Variants in ZNF423 observed in about 807,000 individuals in gnomAD.
ZNF423 encodes the protein zinc finger protein 423.
In ZNF423, 12 loss-of-function variants were observed where a neutral mutation model predicts 95.8. The ratio of observed to expected loss-of-function variants is 0.13; its 90% CI spans 0.08 to 0.20. The LOEUF (loss-of-function observed/expected upper bound fraction) is 0.20, where lower values mean the gene tolerates loss of function less well. Among genes scored for constraint, ZNF423 ranks in the 10% least tolerant of loss-of-function variants. The pLI, the probability that ZNF423 is intolerant of heterozygous loss-of-function variation, is 1.00. For missense variants in ZNF423, 1,316 were observed against 1,737.1 expected (o/e 0.76, Z 4.31); for synonymous variants, 749 against 711.9 (o/e 1.05, Z -0.83).
intron 2 of ZNF423, among the ~76,000 whole-genome samples, chr16:49,741,629 G>C (rs540625592): frequency 6.6e-6 from 1 of 152,202 alleles, no homozygotes; most frequent in African/African-American, 2.4e-5. Flanking sequence ...TGCCTTGGAG[G>C]GCTGGTCCAG....
chr16:49,568,639 T>C (rs1041066514), intron 5 of ZNF423, among the ~76,000 whole-genome samples: 1 of 152,104 alleles, frequency 6.6e-6, no homozygotes, highest in African/African-American at 2.4e-5. Flanking sequence ...TATTAGTACA[T>C]CGATGGTCTG....
At chr16:49,584,361 G>C (rs936879546) in intron 5 of ZNF423, among the ~76,000 whole-genome samples, 1 of 152,176 alleles carries the variant, frequency 6.6e-6, no homozygotes, top group African/African-American at 2.4e-5. Context: ...TACGCTTAGG[G>C]CATCCTGTAC....
intron 3 of ZNF423, among the ~76,000 whole-genome samples, chr16:49,714,600 C>T (rs1389890469): frequency 6.8e-6 from 1 of 146,942 alleles, no homozygotes; most frequent in East Asian, 2.0e-4. Context: ...GAGCCAAGAT[C>T]TCGCCACTGC....
At chr16:49,555,876 T>C (rs1226802110) in intron 5 of ZNF423, among the ~76,000 whole-genome samples, 1 of 152,042 alleles carries the variant, frequency 6.6e-6, no homozygotes, top group East Asian at 1.9e-4. Context: ...GTTGAAAGGA[T>C]GGATAGATGG....
intron 2 of ZNF423, among the ~76,000 whole-genome samples, chr16:49,760,907 C>T (rs538199272): frequency 7.2e-4 from 86 of 119,332 alleles, no homozygotes; most frequent in African/African-American, 2.9e-3. Flanking sequence ...TCACCACCAC[C>T]TCCCTCCAAC....
At position 49,853,645 on chromosome 16, in the gene ZNF423, T is replaced by A. The variant is rs141430343; in HGVS notation, c.40+2090A>T. 12 of 985,304 alleles carry A rather than the reference T, an allele frequency of 1.2e-5. No individual in the cohort carries two copies. The East Asian group carries it at 1.3e-3, about 103-fold the overall frequency. 61.0% of individuals were successfully genotyped at this position (985,304 alleles called of 1,614,324 possible). A position where few individuals can be genotyped will look rare whatever the true frequency, so the allele number is the denominator to read the frequency against. The stretch of plus-strand genomic sequence containing the variant: ...ACCTGCTTGAACTGTCTGCTACACA[T>A]ACACACATACACATTTGAGAGAGGC... On this transcript the variant is annotated intron_variant, in intron 1 of 7. Transcript: ENST00000563137.
At chr16:49,682,444 C>T (rs1053006557) in intron 3 of ZNF423, among the ~76,000 whole-genome samples, 4 of 152,204 alleles carry the variant, frequency 2.6e-5, no homozygotes, top group African/African-American at 4.8e-5. Context: ...CAGATCCTCC[C>T]GGTCCACACT....
At chr16:49,568,811 T>C (rs1269126137) in intron 5 of ZNF423, among the ~76,000 whole-genome samples, 1 of 152,142 alleles carries the variant, frequency 6.6e-6, no homozygotes, top group Non-Finnish European at 1.5e-5. Context: ...GAGCCACTGT[T>C]GGCTGCAGGC....
Position 49,490,694 on chromosome 16 carries a change from A to G in ZNF423, c.*581T>C, listed in dbSNP as rs1399986565. 1 of 154,718 alleles carries G rather than the reference A, an allele frequency of 6.5e-6. No individual in the cohort carries two copies. Among genetic ancestry groups the G allele is most frequent in the Admixed American group, 6.3e-5 (1 of 15,820 alleles). 9.6% of individuals were successfully genotyped at this position (154,718 alleles called of 1,614,324 possible). ...AAAAGCAGACCATCCAGTTGCACTG[A>G]AACCGATTATATTCATTACATAGTT... is the stretch of plus-strand genomic sequence containing the variant. On this transcript the variant is annotated 3_prime_UTR_variant, in exon 8 of 8. Transcript: ENST00000563137.
chr16:49,686,680 C>CA (rs1567290257), intron 3 of ZNF423, among the ~76,000 whole-genome samples: 1 of 113,434 alleles, frequency 8.8e-6, no homozygotes, highest in African/African-American at 3.0e-5. Flanking sequence ...ACCTTACTAT[C>CA]ACTGTCCCCT....
rs547315219 is a variant in ZNF423, at chr16:49,500,902, A to T, written c.3850-9598T>A. 2.1e-5 allele frequency among the ~76,000 whole-genome samples: 3 copies of T among 146,260 alleles called. No homozygotes were observed. The South Asian group carries it at 6.5e-4, about 32-fold the overall frequency. ...CAGCCACAGGGTGAGACCTCATTTA[A>T]AAAAAAAAAAGGCTATTGGGTGGAC... On this transcript the variant is annotated intron_variant, in intron 7 of 7. Transcript: ENST00000563137.
chr16:49,783,885 G>A (rs144752397), intron 2 of ZNF423, among the ~76,000 whole-genome samples: 2,557 of 150,418 alleles, frequency 0.017, 66 homozygotes, highest in African/African-American at 0.06. Context: ...CAGGAGAATC[G>A]TTTGAACCTG....
At chr16:49,495,915 T>C (rs780467148) in intron 7 of ZNF423, among the ~76,000 whole-genome samples, 2 of 152,228 alleles carry the variant, frequency 1.3e-5, no homozygotes, top group African/African-American at 4.8e-5. Context: ...CTCCCTTTGA[T>C]ACCTATCCAT....
At chr16:49,501,249 C>G (rs1239291170) in intron 7 of ZNF423, among the ~76,000 whole-genome samples, 1 of 152,188 alleles carries the variant, frequency 6.6e-6, no homozygotes, top group African/African-American at 2.4e-5. Flanking sequence ...CCAGTGGGGT[C>G]TGTGTCAGCC....
chr16:49,576,703 T>C (rs1970511478), intron 5 of ZNF423, among the ~76,000 whole-genome samples: 1 of 152,244 alleles, frequency 6.6e-6, no homozygotes, highest in African/African-American at 2.4e-5. Flanking sequence ...GTCCTACCTT[T>C]GACTTTCCAG....
chr16:49,668,994 A>G (rs1234168408), intron 3 of ZNF423, among the ~76,000 whole-genome samples: 1 of 152,162 alleles, frequency 6.6e-6, no homozygotes, highest in African/African-American at 2.4e-5. Context: ...GGTAACCCTT[A>G]GTAAGCACAG....
chr16:49,770,340 C>T (rs1344414605), intron 2 of ZNF423, among the ~76,000 whole-genome samples: 1 of 152,104 alleles, frequency 6.6e-6, no homozygotes, highest in Non-Finnish European at 1.5e-5. Context: ...AGTGGTTAGA[C>T]ATTAAGTAGA....
intron 5 of ZNF423, among the ~76,000 whole-genome samples, chr16:49,582,079 C>T (rs775931081): frequency 7.2e-5 from 11 of 152,216 alleles, no homozygotes; most frequent in Non-Finnish European, 1.3e-4. Flanking sequence ...ACTCACCACG[C>T]TCACATAGTC....
chr16:49,734,071 A>G (rs2033229338), intron 2 of ZNF423, among the ~76,000 whole-genome samples: 1 of 152,230 alleles, frequency 6.6e-6, no homozygotes, highest in Non-Finnish European at 1.5e-5. Flanking sequence ...TGGAGCCCCA[A>G]GCTCTCCAAG....
Sources: allele counts gnomAD v4.1 joint callset (sites outside exome capture counted in the v4.1 genomes callset), GRCh38; gene constraint gnomAD v4.1.1; transcripts MANE v1.5; gene names NCBI Gene and HGNC (gene_info 2026-07-23, HGNC 2026-07-21).